Variants in KATNAL2 observed in about 807,000 individuals in gnomAD.
The protein encoded by KATNAL2 is katanin p60 ATPase-containing subunit A-like 2.
In KATNAL2, 52 loss-of-function variants were observed where a neutral mutation model predicts 76.3. The ratio of observed to expected loss-of-function variants is 0.68; its 90% CI spans 0.55 to 0.86. The LOEUF (loss-of-function observed/expected upper bound fraction) is 0.86, where lower values mean the gene tolerates loss of function less well. Among genes scored for constraint, KATNAL2 ranks in the 40% least tolerant of loss-of-function variants. KATNAL2 has a pLI of 0.00. For synonymous variants in KATNAL2, 243 were observed against 244.2 expected (o/e 1.00, Z 0.05); for missense variants, 660 against 668.9 (o/e 0.99, Z 0.15).
Position 46,940,090 on chromosome 18 carries a change from A to G in KATNAL2, c.-509-5967A>G, listed in dbSNP as rs1232536325. 5.3e-5 allele frequency among the ~76,000 whole-genome samples: 8 copies of G among 152,354 alleles called. No individual in the cohort carries two copies. In the South Asian group the frequency reaches 1.5e-3, roughly 28 times the overall value. On this transcript the variant is annotated intron_variant, in intron 1 of 17. Transcript: ENST00000683218. ...TACTGTTCCCATTTTGCATATGAAGAAACAAAGTTTGAACAGGTCCAATAC... is the reference window on the plus strand; with the variant it reads ...TACTGTTCCCATTTTGCATATGAAGGAACAAAGTTTGAACAGGTCCAATAC...
intron 1 of KATNAL2, among the ~76,000 whole-genome samples, chr18:46,927,408 T>C (rs1457503563): frequency 6.6e-6 from 1 of 152,180 alleles, no homozygotes; most frequent in Non-Finnish European, 1.5e-5. Flanking sequence ...TGTTGAATAT[T>C]GGTCCCCACT....
At chr18:47,096,063 G>C (rs529427710) in intron 15 of KATNAL2, among the ~76,000 whole-genome samples, 1 of 152,218 alleles carries the variant, frequency 6.6e-6, no homozygotes, top group Non-Finnish European at 1.5e-5. Flanking sequence ...ATAGGTCATT[G>C]TTACTGTCGG....
At chr18:47,068,799 T>C (rs971838695) in intron 11 of KATNAL2, among the ~76,000 whole-genome samples, 1 of 152,242 alleles carries the variant, frequency 6.6e-6, no homozygotes, top group African/African-American at 2.4e-5. Flanking sequence ...CTGTACTTTA[T>C]TCGAATAAAC....
At chr18:46,961,588 C>T (rs145787418) in intron 3 of KATNAL2, among the ~76,000 whole-genome samples, 5 of 152,306 alleles carry the variant, frequency 3.3e-5, no homozygotes, top group Admixed American at 2.0e-4. Flanking sequence ...AGCTGAAAGA[C>T]ATTTTTCAAA....
rs1207381381 is a variant in KATNAL2 at position 47,075,294 on chromosome 18, C to A, written c.1026C>A (p.Ala342=). Residue 342 remains alanine (A), a synonymous_variant, in exon 14 of 18, where the codon GCC becomes GCA. Transcript: ENST00000683218. ...EKLVRVLFEL[A]RYHAPSTIFL... is the part of the protein sequence containing the mutation. Reference sequence around the variant, plus strand: ...CCACCCAGGTGTTATTTGAGCTTGCCCGCTACCACGCCCCATCCACGATCT... The same window carrying A: ...CCACCCAGGTGTTATTTGAGCTTGCACGCTACCACGCCCCATCCACGATCT... 6.4e-7 allele frequency: 1 copy of A among 1,557,764 alleles called. No homozygotes were observed. Among genetic ancestry groups the A allele is most frequent in the East Asian group, 2.5e-5 (1 of 39,860 alleles).
In KATNAL2 at chr18:46,926,718, C is replaced by T. The variant is rs545708519; in HGVS notation, c.-510+8792C>T. Among the ~76,000 whole-genome samples, 309 of 152,194 alleles carry T rather than the reference C, an allele frequency of 2.0e-3. 1 individual carries two copies. The highest frequency in any genetic ancestry group is 3.3e-3 in the Non-Finnish European group (223 of 68,006). ...TCTCCCATTATTATTGTGTGGGAGT[C>T]TAAGTCTCTTTGTAGGTCACAAAGG... is the stretch of plus-strand genomic sequence containing the variant. On this transcript the variant is annotated intron_variant, in intron 1 of 17. Coordinates refer to ENST00000683218, the MANE Select transcript of KATNAL2 (RefSeq NM_001387690.1).
intron 3 of KATNAL2, among the ~76,000 whole-genome samples, chr18:46,950,128 T>G (rs1423276376): frequency 6.6e-6 from 1 of 152,206 alleles, no homozygotes; most frequent in East Asian, 1.9e-4. Flanking sequence ...ATGCCATAAA[T>G]TTAGTATTTA....
At chr18:46,951,620 C>T (rs1237883992) in intron 3 of KATNAL2, among the ~76,000 whole-genome samples, 1 of 151,864 alleles carries the variant, frequency 6.6e-6, no homozygotes, top group East Asian at 1.9e-4. Context: ...AACATATCAA[C>T]CAATAACTAT....
At chr18:47,082,261 T>C (rs1238125752) in intron 15 of KATNAL2, among the ~76,000 whole-genome samples, 9 of 152,206 alleles carry the variant, frequency 5.9e-5, no homozygotes, top group Non-Finnish European at 1.0e-4. Context: ...GTCCTGTGCA[T>C]TGATGATGTT....
intron 3 of KATNAL2, among the ~76,000 whole-genome samples, chr18:46,955,253 G>C (rs2059709284): frequency 1.6e-5 from 2 of 125,794 alleles, no homozygotes; most frequent in South Asian, 5.3e-4. Context: ...TTTCACTCTT[G>C]TTGCCCAGGC....
intron 1 of KATNAL2, among the ~76,000 whole-genome samples, chr18:46,920,590 A>C (rs1310591121): frequency 6.6e-6 from 1 of 152,232 alleles, no homozygotes; most frequent in African/African-American, 2.4e-5. Context: ...ATTCTGAAAT[A>C]GGGTGCTACT....
chr18:46,953,317 G>A (rs2059623804), intron 3 of KATNAL2, among the ~76,000 whole-genome samples: 1 of 152,158 alleles, frequency 6.6e-6, no homozygotes. Flanking sequence ...AAAAGTCAGT[G>A]ATACAGGGTT....
intron 14 of KATNAL2, among the ~76,000 whole-genome samples, 155 bp downstream of exon 14, chr18:47,075,523 T>A (rs969048026): frequency 6.6e-6 from 1 of 152,240 alleles, no homozygotes; most frequent in Non-Finnish European, 1.5e-5. Context: ...GAAAGGTCTT[T>A]AAATTAGATC....
In KATNAL2 at chr18:47,101,829, TCC is replaced by T. The variant is rs2063443195; in HGVS notation, c.*828_*829del. ...CAAGTCTTCCCTGCTCTTAGGCTCT[TCC>T]CCCTCTCCTTAAGGGGTTATAAACA... On this transcript the variant is annotated 3_prime_UTR_variant, in exon 18 of 18. Coordinates refer to ENST00000683218, the MANE Select transcript of KATNAL2 (RefSeq NM_001387690.1). 1 of 152,060 alleles carries T rather than the reference TCC, an allele frequency of 6.6e-6. No individual in the cohort carries two copies. 9.4% of individuals were successfully genotyped at this position (152,060 alleles called of 1,614,324 possible). A position where few individuals can be genotyped will look rare whatever the true frequency, so the allele number is the denominator to read the frequency against.
chr18:47,054,578 A>T (rs2061420548), intron 6 of KATNAL2, 140 bp downstream of exon 6: 1 of 800,764 alleles, frequency 1.2e-6, no homozygotes, highest in African/African-American at 1.7e-5. Context: ...CCAGCCCAGG[A>T]CTTCTCTCAT....
At position 47,046,481 on chromosome 18, in the gene KATNAL2, C is replaced by T. The variant is rs1049765869; in HGVS notation, c.76C>T (p.Arg26Ter). 16 of 1,535,686 alleles carry T rather than the reference C, an allele frequency of 1.0e-5. No individual in the cohort carries two copies. The highest frequency in any genetic ancestry group is 4.1e-5 in the African/African-American group (3 of 72,974). ...EACEMRTEAR[R>*]KNLLILISHY... ...GTGCGAGATGAGGACAGAAGCACGA[C>T]GAAAAAATCTTCTCATTTTGATTTC... Residue 26 changes from arginine to a stop codon, truncating the protein, a stop_gained, in exon 4 of 18, where the codon CGA (arginine) becomes TGA (stop). Coordinates refer to ENST00000683218, the MANE Select transcript of KATNAL2 (RefSeq NM_001387690.1). LOFTEE classifies it high-confidence loss of function.
intron 17 of KATNAL2, 130 bp from the exon 18 acceptor site, chr18:47,100,736 C>A: frequency 8.6e-7 from 1 of 1,163,768 alleles, no homozygotes. Context: ...TTTAGTCTTG[C>A]CTTTTGCTGC....
chr18:47,032,719 C>A, intron 3 of KATNAL2: 1 of 531,516 alleles, frequency 1.9e-6, no homozygotes, highest in Non-Finnish European at 3.3e-6. Flanking sequence ...TTTATGATTA[C>A]AACTAGGGTG....
intron 3 of KATNAL2, among the ~76,000 whole-genome samples, chr18:46,947,391 C>G (rs1252879402): frequency 6.6e-6 from 1 of 152,148 alleles, no homozygotes; most frequent in Non-Finnish European, 1.5e-5. Context: ...GCTTCAGTTT[C>G]TCCATCTGAA....
Sources: allele counts gnomAD v4.1 joint callset (sites outside exome capture counted in the v4.1 genomes callset), GRCh38; gene constraint gnomAD v4.1.1; transcripts MANE v1.5; gene names NCBI Gene and HGNC (gene_info 2026-07-23, HGNC 2026-07-21).